Variants in SPATA6L observed in about 807,000 individuals in gnomAD.
SPATA6L encodes spermatogenesis associated 6 like.
SPATA6L carries 68 observed loss-of-function variants against 49.2 expected under a neutral mutation model. The observed-to-expected ratio is 1.38, with a 90% confidence interval of 1.14 to 1.69. The LOEUF (loss-of-function observed/expected upper bound fraction) is 1.69, where lower values mean the gene tolerates loss of function less well. Ranked by LOEUF, SPATA6L falls within the 40% of genes most tolerant of loss-of-function variation. The pLI is 0.00. For missense variants in SPATA6L, 668 were observed against 464.3 expected (o/e 1.44, Z -4.03); for synonymous variants, 198 against 165.7 (o/e 1.19, Z -1.50).
chr9:4,644,177 T>C (rs377667434), intron 3 of SPATA6L, among the ~76,000 whole-genome samples: 57 of 91,028 alleles, frequency 6.3e-4, no homozygotes, highest in African/African-American at 2.4e-3. Flanking sequence ...TAAGATGCCA[T>C]CTCTGCAAAA....
At chr9:4,666,178 GA>G (rs1411880380) in intron 1 of SPATA6L, 33 bp downstream of exon 1, 4 of 1,611,918 alleles carry the variant, frequency 2.5e-6, no homozygotes, top group Non-Finnish European at 3.4e-6. Context: ...AGTCCGACTT[GA>G]GGTTAAGGAG....
intron 2 of SPATA6L, among the ~76,000 whole-genome samples, chr9:4,656,332 G>A (rs569426895): frequency 1.8e-4 from 28 of 152,222 alleles, no homozygotes; most frequent in African/African-American, 6.7e-4. Context: ...CCAGCTACTT[G>A]TGGGGCTGAG....
chr9:4,627,884 T>G, intron 5 of SPATA6L: 1 of 1,044,450 alleles, frequency 9.6e-7, no homozygotes, highest in African/African-American at 1.6e-5. Context: ...GATGAATGGA[T>G]AAAGAAATTA....
Position 4,666,226 on chromosome 9 carries a change from G to A in SPATA6L, c.25C>T (p.Leu9=). 6.2e-7 allele frequency: 1 copy of A among 1,614,148 alleles called. No individual in the cohort carries two copies. Among genetic ancestry groups the A allele is most frequent in the Non-Finnish European group, 8.5e-7 (1 of 1,180,012 alleles). ...CGATCTCTTACCGCCCGGATCTGCA[G>A]CTCCACCACCACCTCCAGAGGCATC... MPLEVVVE[L]QIRAISCPGV... Residue 9 remains leucine, a synonymous_variant, in exon 1 of 12, where the codon CTG becomes TTG. Coordinates refer to ENST00000682582, the MANE Select transcript of SPATA6L (RefSeq NM_001353486.2).
rs563768057 is a variant in SPATA6L at position 4,650,242 on chromosome 9, A to G, written c.226+5799T>C. On this transcript the variant is annotated intron_variant, in intron 3 of 11. Coordinates refer to ENST00000682582, the MANE Select transcript of SPATA6L (RefSeq NM_001353486.2). ...TCTGACTTCTACCCAGTATGGCCTC[A>G]GCTCACTTGGTACTTGTGTCTGGTC... is the stretch of plus-strand genomic sequence containing the variant. Among the ~76,000 whole-genome samples the G allele has an allele frequency of 3.3e-4, 50 of 152,276 alleles. 1 individual carries two copies. The highest frequency in any genetic ancestry group is 1.2e-3 in the African/African-American group (50 of 41,554).
At chr9:4,591,922 T>A (rs1218322553) in intron 13 of SPATA6L, among the ~76,000 whole-genome samples, 1 of 152,146 alleles carries the variant, frequency 6.6e-6, no homozygotes, top group Non-Finnish European at 1.5e-5. Flanking sequence ...ACGTCCAGTT[T>A]CTTTTAAGGT....
chr9:4,652,744 G>C (rs909220016), intron 3 of SPATA6L, among the ~76,000 whole-genome samples: 1 of 151,420 alleles, frequency 6.6e-6, no homozygotes, highest in Non-Finnish European at 1.5e-5. Flanking sequence ...GGAAGGCTGA[G>C]GCAGCAGAAT....
intron 4 of SPATA6L, among the ~76,000 whole-genome samples, chr9:4,634,897 T>C (rs757437684): frequency 2.0e-5 from 3 of 152,150 alleles, no homozygotes; most frequent in Admixed American, 6.6e-5. Context: ...TTGAGAATTG[T>C]TGGGAGAAAA....
chr9:4,654,438 T>C (rs1313728174), intron 3 of SPATA6L, among the ~76,000 whole-genome samples: 1 of 152,140 alleles, frequency 6.6e-6, no homozygotes, highest in Non-Finnish European at 1.5e-5. Flanking sequence ...TGTTTACAGC[T>C]TGTGAAGCCC....
downstream of SPATA6L, among the ~76,000 whole-genome samples, chr9:4,594,951 T>C (rs1184620665): frequency 4.6e-5 from 7 of 152,160 alleles, no homozygotes; most frequent in African/African-American, 1.7e-4. Flanking sequence ...TAATTCTAAG[T>C]GTTCCCTATT....
intron 2 of SPATA6L, among the ~76,000 whole-genome samples, chr9:4,658,124 T>C (rs1838731108): frequency 6.6e-6 from 1 of 152,206 alleles, no homozygotes; most frequent in Non-Finnish European, 1.5e-5. Flanking sequence ...TTTCAAGAAT[T>C]GTAGCCTCCA....
chr9:4,634,766 A>G (rs1355605025), intron 4 of SPATA6L, among the ~76,000 whole-genome samples: 1 of 152,168 alleles, frequency 6.6e-6, no homozygotes. Flanking sequence ...AATGCCCCCC[A>G]AAGAATTAAA....
chr9:4,626,760 GATT>G, intron 5 of SPATA6L: 1 of 322,454 alleles, frequency 3.1e-6, no homozygotes, highest in Non-Finnish European at 6.1e-6. Flanking sequence ...TGGCCAGACA[GATT>G]ACAGTACTTC....
chr9:4,660,306 A>G (rs1342423604), intron 2 of SPATA6L, among the ~76,000 whole-genome samples: 1 of 152,256 alleles, frequency 6.6e-6, no homozygotes, highest in African/African-American at 2.4e-5. Flanking sequence ...AATATCCAGA[A>G]TCTACAAAGA....
intron 3 of SPATA6L, among the ~76,000 whole-genome samples, chr9:4,643,492 T>C (rs1010796247): frequency 2.0e-5 from 3 of 152,126 alleles, no homozygotes; most frequent in Non-Finnish European, 2.9e-5. Flanking sequence ...GAAATATTTT[T>C]ATAAAAATGT....
downstream of SPATA6L, among the ~76,000 whole-genome samples, chr9:4,594,240 C>G (rs186693542): frequency 2.5e-4 from 38 of 152,248 alleles, no homozygotes; most frequent in Non-Finnish European, 3.5e-4. Context: ...TTCGGAGTCT[C>G]GCTCTGTCAC....
Position 4,666,210 on chromosome 9 carries a change from A to G in SPATA6L, c.39+2T>C, listed in dbSNP as rs752442592. ...AGGAGGGGGAGTTCATCGATCTCTT[A>G]CCGCCCGGATCTGCAGCTCCACCAC... On this transcript the variant is annotated splice_donor_variant, in intron 1 of 11. Coordinates refer to ENST00000682582, the MANE Select transcript of SPATA6L (RefSeq NM_001353486.2). LOFTEE classifies it high-confidence loss of function. The G allele has an allele frequency of 3.7e-6, 6 of 1,614,074 alleles. No homozygotes were observed. Among genetic ancestry groups the G allele is most frequent in the East Asian group, 2.2e-5 (1 of 44,884 alleles).
chr9:4,648,091 T>C (rs926408406), intron 3 of SPATA6L, among the ~76,000 whole-genome samples: 5 of 152,066 alleles, frequency 3.3e-5, no homozygotes, highest in African/African-American at 1.2e-4. Flanking sequence ...CACCTCAGCC[T>C]CCCAAAGTGT....
chr9:4,592,936 T>G (rs1416651424), intron 13 of SPATA6L, among the ~76,000 whole-genome samples: 1 of 152,124 alleles, frequency 6.6e-6, no homozygotes, highest in Non-Finnish European at 1.5e-5. Context: ...TAAAGTGGTT[T>G]AAGAAAAAAA....
Sources: gnomAD v4.1 joint callset for allele counts (sites outside exome capture counted in the v4.1 genomes callset) on GRCh38, gnomAD v4.1.1 for gene constraint, MANE v1.5 for transcripts, NCBI Gene and HGNC (gene_info 2026-07-23, HGNC 2026-07-21) for gene names.